Variants in ST8SIA6 observed in about 807,000 individuals in gnomAD.
The protein encoded by ST8SIA6 is ST8 alpha-N-acetyl-neuraminide alpha-2,8-sialyltransferase 6.
ST8SIA6 carries 39 observed loss-of-function variants against 33.6 expected under a neutral mutation model. The observed-to-expected ratio is 1.16, with a 90% CI of 0.90 to 1.52. The LOEUF (loss-of-function observed/expected upper bound fraction) is 1.52, where lower values mean the gene tolerates loss of function less well. Among genes scored for constraint, ST8SIA6 ranks in the 40% most tolerant of loss-of-function variants. ST8SIA6 has a pLI of 0.00. For missense variants in ST8SIA6, 441 were observed against 443.8 expected, an observed-to-expected ratio of 0.99 and a Z score of 0.06; for synonymous variants, 172 against 167.2, an observed-to-expected ratio of 1.03 and a Z score of -0.22.
At chr10:17,437,557 G>A (rs1852312287) in intron 2 of ST8SIA6, among the ~76,000 whole-genome samples, 1 of 151,978 alleles carries the variant, frequency 6.6e-6, no homozygotes, top group African/African-American at 2.4e-5. Context: ...ATCAACAACA[G>A]GCCCTGGAAC....
chr10:17,350,864 G>A (rs1849008419), intron 4 of ST8SIA6, among the ~76,000 whole-genome samples: 1 of 152,116 alleles, frequency 6.6e-6, no homozygotes, highest in Admixed American at 6.6e-5. Flanking sequence ...TCAGAGTAGA[G>A]TTTGATCTTC....
chr10:17,331,962 C>T (rs1414642230), intron 4 of ST8SIA6, among the ~76,000 whole-genome samples: 1 of 152,190 alleles, frequency 6.6e-6, no homozygotes, highest in East Asian at 1.9e-4. Flanking sequence ...CTCCAACAGG[C>T]ACCAGTGTGA....
chr10:17,347,953 C>CAAAAAAAAAAAAAA (rs55996465), intron 4 of ST8SIA6, among the ~76,000 whole-genome samples: 84 of 68,624 alleles, frequency 1.2e-3, no homozygotes, highest in Non-Finnish European at 1.8e-3. Context: ...GACTCTGTCT[C>CAAAAAAAAAAAAAA]AAAAAAAAAA....
At chr10:17,381,174 C>T (rs1850139365) in intron 3 of ST8SIA6, among the ~76,000 whole-genome samples, 1 of 152,054 alleles carries the variant, frequency 6.6e-6, no homozygotes, top group Non-Finnish European at 1.5e-5. Flanking sequence ...ATGAAAGTGT[C>T]TCCCTCTAGT....
chr10:17,362,219 T>C (rs1849414286), intron 3 of ST8SIA6, among the ~76,000 whole-genome samples: 1 of 152,182 alleles, frequency 6.6e-6, no homozygotes, highest in Non-Finnish European at 1.5e-5. Flanking sequence ...AAAACTGTCT[T>C]TATTCAGAGA....
In ST8SIA6 at chr10:17,323,093, T is replaced by C; in HGVS notation, c.700A>G (p.Thr234Ala). Reference protein sequence around the residue: ...KDVGSKTNLVTINPSIITLKY... With the variant: ...KDVGSKTNLVAINPSIITLKY... ...AGAGTTATGATGCTTGGATTTATAG[T>C]CACAAGATTTGTTTTACTGCCAACA... Residue 234 changes from threonine (T) to alanine (A), a missense_variant, in exon 7 of 8, where the codon ACT (threonine) becomes GCT (alanine). Physicochemically the swap from Thr to Ala is moderately conservative, Grantham distance 58. Coordinates refer to ENST00000377602, the MANE Select transcript of ST8SIA6 (RefSeq NM_001004470.3). 1 of 1,613,734 alleles carries C rather than the reference T, an allele frequency of 6.2e-7. No homozygotes were observed. Among genetic ancestry groups the C allele is most frequent in the African/African-American group, 1.3e-5 (1 of 75,018 alleles).
chr10:17,361,042 A>G (rs898626830), intron 3 of ST8SIA6, among the ~76,000 whole-genome samples: 9 of 152,112 alleles, frequency 5.9e-5, no homozygotes, highest in African/African-American at 2.2e-4. Flanking sequence ...ATTTTGTATA[A>G]ATAAGCAAAT....
At chr10:17,383,086 GA>G (rs1252225519) in intron 3 of ST8SIA6, among the ~76,000 whole-genome samples, 1 of 151,582 alleles carries the variant, frequency 6.6e-6, no homozygotes, top group African/African-American at 2.4e-5. Flanking sequence ...TTCTTGTTTA[GA>G]AAATTAAGTC....
At chr10:17,328,959 A>G (rs79955470) in intron 5 of ST8SIA6, among the ~76,000 whole-genome samples, 2,434 of 152,242 alleles carry the variant, frequency 0.016, 25 homozygotes, top group Non-Finnish European at 0.022. Flanking sequence ...TGCAAAATCA[A>G]GGCACATCGC....
Position 17,390,554 on chromosome 10 carries a change from C to T in ST8SIA6, c.267G>A (p.Glu89=). The T allele has an allele frequency of 6.2e-7, 1 of 1,613,848 alleles. No individual in the cohort carries two copies. The highest frequency in any genetic ancestry group is 2.2e-5 in the East Asian group (1 of 44,868). ...EKCKNLQYGI[E]SFSNKTKGYS... is the part of the protein sequence containing the mutation. Reference sequence around the variant, plus strand: ...ACCCTTTCGTTTTGTTAGAGAAAGACTCAATGCCATATTGCAGATTTTTGC... The same window carrying T: ...ACCCTTTCGTTTTGTTAGAGAAAGATTCAATGCCATATTGCAGATTTTTGC... Residue 89 remains glutamate, a synonymous_variant, in exon 3 of 8, where the codon GAG becomes GAA. Coordinates refer to ENST00000377602, the MANE Select transcript of ST8SIA6 (RefSeq NM_001004470.3).
intron 2 of ST8SIA6, among the ~76,000 whole-genome samples, chr10:17,421,757 G>A (rs1851786556): frequency 6.6e-6 from 1 of 151,990 alleles, no homozygotes; most frequent in African/African-American, 2.4e-5. Context: ...TGTAGAGATG[G>A]GGTTTTAGTA....
intron 3 of ST8SIA6, among the ~76,000 whole-genome samples, chr10:17,365,700 G>A (rs571027293): frequency 5.0e-4 from 76 of 152,294 alleles, no homozygotes; most frequent in African/African-American, 1.8e-3. Context: ...CATCCAAAGA[G>A]GGTCTTGAAA....
chr10:17,317,057 A>C lies in ST8SIA6; in HGVS notation c.*3821T>G, dbSNP rs1847797231. On this transcript the variant is annotated 3_prime_UTR_variant, in exon 8 of 8. Transcript: ENST00000377602. ...TGTATCTCAAACATAATTCTCCTAC[A>C]TTTTCTTCTATGAGCTTTAAAGTTT... Among the ~76,000 whole-genome samples, 3 of 151,906 alleles carry C rather than the reference A, an allele frequency of 2.0e-5. No homozygotes were observed. Among genetic ancestry groups the C allele is most frequent in the African/African-American group, 4.8e-5 (2 of 41,358 alleles).
chr10:17,365,195 TATAA>T (rs1849517776), intron 3 of ST8SIA6, among the ~76,000 whole-genome samples: 1 of 152,164 alleles, frequency 6.6e-6, no homozygotes, highest in South Asian at 2.1e-4. Flanking sequence ...AACCACAAAT[TATAA>T]ATAACCTACT....
chr10:17,370,125 C>T (rs957725388), intron 3 of ST8SIA6, among the ~76,000 whole-genome samples: 24 of 151,946 alleles, frequency 1.6e-4, no homozygotes, highest in African/African-American at 5.6e-4. Context: ...GGACTACAGG[C>T]GCCCGCCACC....
intron 2 of ST8SIA6, among the ~76,000 whole-genome samples, chr10:17,419,397 C>T (rs1236787504): frequency 1.3e-5 from 2 of 151,946 alleles, no homozygotes; most frequent in Non-Finnish European, 2.9e-5. Context: ...CTGGGCATGG[C>T]AGTGTGTGCC....
chr10:17,338,031 CTTTTTTT>C (rs71393003), intron 4 of ST8SIA6, among the ~76,000 whole-genome samples: 10 of 131,438 alleles, frequency 7.6e-5, no homozygotes, highest in Non-Finnish European at 8.0e-5. Flanking sequence ...AAATACTATT[CTTTTTTT>C]TTTTTTTTTT....
At chr10:17,395,086 TC>T (rs1216222317) in intron 2 of ST8SIA6, among the ~76,000 whole-genome samples, 1 of 152,136 alleles carries the variant, frequency 6.6e-6, no homozygotes, top group Non-Finnish European at 1.5e-5. Context: ...GGGGGCAGTT[TC>T]CCCCATACTG....
chr10:17,443,049 T>C (rs1234072627), intron 2 of ST8SIA6, among the ~76,000 whole-genome samples: 1 of 152,196 alleles, frequency 6.6e-6, no homozygotes, highest in Non-Finnish European at 1.5e-5. Context: ...GTAAATACTT[T>C]GGTATACCCA....
Sources: gnomAD v4.1 joint callset for allele counts (sites outside exome capture counted in the v4.1 genomes callset) on GRCh38, gnomAD v4.1.1 for gene constraint, MANE v1.5 for transcripts, NCBI Gene and HGNC (gene_info 2026-07-23, HGNC 2026-07-21) for gene names.